GRIA4: variants seen among roughly 807,000 people sequenced by gnomAD.
The protein encoded by GRIA4 is glutamate receptor 4.
In GRIA4, 34 loss-of-function variants were observed where a neutral mutation model predicts 104.0. The observed-to-expected ratio is 0.33, with a 90% CI of 0.25 to 0.44. The LOEUF (loss-of-function observed/expected upper bound fraction) is 0.44. Ranked by LOEUF, GRIA4 falls within the 20% of genes least tolerant of loss-of-function variation. The probability of loss-of-function intolerance (pLI) is 1.00; values close to 1 mark genes in which losing one functional copy is unlikely to be tolerated. For missense variants in GRIA4, 750 were observed against 1,096.5 expected, an observed-to-expected ratio of 0.68 and a Z score of 4.46; for synonymous variants, 386 against 381.9, an observed-to-expected ratio of 1.01 and a Z score of -0.13.
intron 14 of GRIA4, among the ~76,000 whole-genome samples, chr11:105,971,055 G>T (rs574349483): frequency 1.3e-5 from 2 of 152,196 alleles, no homozygotes; most frequent in South Asian, 4.1e-4. Flanking sequence ...AGAGGAGTTT[G>T]TCTATTCAGA....
At chr11:105,925,264 C>A (rs1947673426) in intron 12 of GRIA4, among the ~76,000 whole-genome samples, 1 of 152,066 alleles carries the variant, frequency 6.6e-6, no homozygotes, top group Admixed American at 6.6e-5. Context: ...TTTTATATAG[C>A]AATGCATAAA....
At chr11:105,725,018 T>C (rs1938108083) in intron 3 of GRIA4, among the ~76,000 whole-genome samples, 1 of 152,184 alleles carries the variant, frequency 6.6e-6, no homozygotes, top group South Asian at 2.1e-4. Flanking sequence ...CCTGTGAGCT[T>C]GAGCAAATCT....
chr11:105,877,707 G>T (rs1177674052), intron 5 of GRIA4, among the ~76,000 whole-genome samples: 1 of 152,070 alleles, frequency 6.6e-6, no homozygotes, highest in African/African-American at 2.4e-5. Flanking sequence ...TTCAGCTATT[G>T]ATATTTGTGT....
chr11:105,800,023 T>C (rs1313674736), intron 4 of GRIA4, among the ~76,000 whole-genome samples: 2 of 152,092 alleles, frequency 1.3e-5, no homozygotes, highest in Non-Finnish European at 2.9e-5. Context: ...GCGTGCATGA[T>C]TATGATTACC....
chr11:105,750,914 T>C (rs932883506), intron 3 of GRIA4, among the ~76,000 whole-genome samples: 1 of 152,098 alleles, frequency 6.6e-6, no homozygotes, highest in Non-Finnish European at 1.5e-5. Context: ...CATGAGTACT[T>C]CCATGGAATT....
rs114752379 is a variant in GRIA4 at position 105,790,597 on chromosome 11, C to T, written c.487+37377C>T. The stretch of plus-strand genomic sequence containing the variant: ...AATGTAACCTTAATGCCCTTGTGCA[C>T]CCATTCTTCCATTACTTTTTCACCT... On this transcript the variant is annotated intron_variant, in intron 4 of 16. Transcript: ENST00000282499. Among the ~76,000 whole-genome samples the T allele has an allele frequency of 3.9e-3, 595 of 152,288 alleles. 6 individuals carry two copies. The highest frequency in any genetic ancestry group is 0.013 in the African/African-American group (548 of 41,548).
intron 13 of GRIA4, among the ~76,000 whole-genome samples, chr11:105,930,385 T>A (rs186709029): frequency 8.3e-4 from 127 of 152,256 alleles, no homozygotes; most frequent in Admixed American, 2.2e-3. Flanking sequence ...ATTTTATCTG[T>A]ATTTTTTCAT....
intron 3 of GRIA4, among the ~76,000 whole-genome samples, chr11:105,747,315 A>G (rs1243220993): frequency 6.6e-6 from 1 of 152,224 alleles, no homozygotes; most frequent in East Asian, 1.9e-4. Context: ...AAATTACAAA[A>G]CAAATATGTT....
At chr11:105,737,630 C>A (rs768082121) in intron 3 of GRIA4, among the ~76,000 whole-genome samples, 47 of 152,150 alleles carry the variant, frequency 3.1e-4, no homozygotes, top group Non-Finnish European at 5.9e-4. Flanking sequence ...TTCCGTAATC[C>A]CTTAAGACCT....
chr11:105,882,711 A>G (rs754183821), intron 5 of GRIA4, among the ~76,000 whole-genome samples: 2 of 152,196 alleles, frequency 1.3e-5, no homozygotes, highest in Non-Finnish European at 2.9e-5. Flanking sequence ...CTTATGAGAT[A>G]ATAAACACCC....
intron 3 of GRIA4, among the ~76,000 whole-genome samples, chr11:105,711,887 C>A (rs519193): frequency 0.55 from 83,348 of 151,830 alleles, 23,007 homozygotes; most frequent in Admixed American, 0.62. Flanking sequence ...ACCTCTCTAA[C>A]TTCCTCTTTC....
At chr11:105,849,768 C>T (rs1944730906) in intron 4 of GRIA4, among the ~76,000 whole-genome samples, 1 of 152,166 alleles carries the variant, frequency 6.6e-6, no homozygotes. Context: ...AACTACCAAA[C>T]ATATAACATA....
chr11:105,736,958 C>G (rs1019597523), intron 3 of GRIA4, among the ~76,000 whole-genome samples: 3 of 151,898 alleles, frequency 2.0e-5, no homozygotes, highest in African/African-American at 7.3e-5. Context: ...CACGCAGAAG[C>G]AGTAAGAGAA....
chr11:105,755,158 G>A (rs760868516), intron 4 of GRIA4, among the ~76,000 whole-genome samples: 6 of 152,110 alleles, frequency 3.9e-5, no homozygotes, highest in African/African-American at 4.8e-5. Context: ...TGTTTATGCA[G>A]GAGGAGAGAT....
At chr11:105,779,743 C>T (rs763775370) in intron 4 of GRIA4, among the ~76,000 whole-genome samples, 53 of 152,132 alleles carry the variant, frequency 3.5e-4, no homozygotes, top group Non-Finnish European at 6.8e-4. Context: ...GGAGGCATCA[C>T]GCTACCTGAC....
At chr11:105,622,777 G>A (rs1379429800) in intron 3 of GRIA4, among the ~76,000 whole-genome samples, 1 of 151,670 alleles carries the variant, frequency 6.6e-6, no homozygotes, top group Non-Finnish European at 1.5e-5. Context: ...TTTAGAGTAT[G>A]CTTTACCTGA....
chr11:105,658,092 A>G (rs1193708109), intron 3 of GRIA4, among the ~76,000 whole-genome samples: 1 of 151,852 alleles, frequency 6.6e-6, no homozygotes, highest in Non-Finnish European at 1.5e-5. Context: ...GAATTTTTTT[A>G]AAGTTTAAGA....
At chr11:105,665,424 T>C (rs7934957) in intron 3 of GRIA4, among the ~76,000 whole-genome samples, 148,515 of 152,034 alleles carry the variant, frequency 0.98, 72,615 homozygotes, top group Non-Finnish European at 1. Flanking sequence ...TTTGACTCAG[T>C]CAGTCTGCTT....
At chr11:105,627,228 A>G (rs149415888) in intron 3 of GRIA4, among the ~76,000 whole-genome samples, 1 of 152,192 alleles carries the variant, frequency 6.6e-6, no homozygotes, top group East Asian at 1.9e-4. Flanking sequence ...TACAGGAAAA[A>G]GTGTAAGGTG....
Sources: gnomAD v4.1 joint callset for allele counts (sites outside exome capture counted in the v4.1 genomes callset) on GRCh38, gnomAD v4.1.1 for gene constraint, MANE v1.5 for transcripts, NCBI Gene and HGNC (gene_info 2026-07-23, HGNC 2026-07-21) for gene names.